MSRB3: variants seen among roughly 807,000 people sequenced by gnomAD.
The protein encoded by MSRB3 is methionine sulfoxide reductase B3.
In MSRB3, 13 loss-of-function variants were observed where a neutral mutation model predicts 21.0. That is an observed-to-expected ratio of 0.62 (90% CI 0.40 to 0.98). The LOEUF (loss-of-function observed/expected upper bound fraction) is 0.98. Ranked by LOEUF, MSRB3 falls within the 50% of genes least tolerant of loss-of-function variation. The pLI is 0.00. For synonymous variants in MSRB3, 87 were observed against 88.6 expected, an observed-to-expected ratio of 0.98 and a Z score of 0.10; for missense variants, 199 against 230.3, an observed-to-expected ratio of 0.86 and a Z score of 0.88.
chr12:65,391,450 C>T (rs192473542), intron 5 of MSRB3, among the ~76,000 whole-genome samples: 3 of 152,232 alleles, frequency 2.0e-5, no homozygotes, highest in Admixed American at 2.0e-4. Flanking sequence ...CAGAGATATC[C>T]AGGATATGTG....
chr12:65,425,253 G>A (rs994166735), intron 5 of MSRB3, among the ~76,000 whole-genome samples: 4 of 150,492 alleles, frequency 2.7e-5, no homozygotes, highest in Admixed American at 2.7e-4. Flanking sequence ...GTCCTTATAG[G>A]TGAAGTAAGT....
intron 5 of MSRB3, among the ~76,000 whole-genome samples, chr12:65,383,660 A>ATT (rs59427831): frequency 2.2e-5 from 3 of 137,880 alleles, no homozygotes; most frequent in African/African-American, 8.0e-5. Flanking sequence ...TGTTAGTAGA[A>ATT]TTTTTTTTTT....
intron 5 of MSRB3, among the ~76,000 whole-genome samples, chr12:65,439,074 A>G (rs1348999258): frequency 6.6e-6 from 1 of 151,878 alleles, no homozygotes; most frequent in Non-Finnish European, 1.5e-5. Flanking sequence ...AACAAAGTAT[A>G]AAGAAAGCTT....
At chr12:65,338,957 G>A (rs1051546252) in intron 4 of MSRB3, among the ~76,000 whole-genome samples, 1 of 152,066 alleles carries the variant, frequency 6.6e-6, no homozygotes, top group Non-Finnish European at 1.5e-5. Context: ...TGCACCAGTA[G>A]TCCCAGTTAC....
At chr12:65,398,238 C>G (rs1879923144) in intron 5 of MSRB3, among the ~76,000 whole-genome samples, 1 of 152,130 alleles carries the variant, frequency 6.6e-6, no homozygotes, top group Non-Finnish European at 1.5e-5. Context: ...AGTGTAAAAG[C>G]ATTCCTATTT....
At chr12:65,427,828 C>A (rs1479532423) in intron 5 of MSRB3, among the ~76,000 whole-genome samples, 1 of 152,342 alleles carries the variant, frequency 6.6e-6, no homozygotes, top group East Asian at 1.9e-4. Context: ...GGTGGCTGAG[C>A]TGGTGCCTGG....
intron 4 of MSRB3, among the ~76,000 whole-genome samples, chr12:65,350,947 C>G (rs1333837860): frequency 1.3e-5 from 2 of 148,392 alleles, no homozygotes; most frequent in African/African-American, 5.1e-5. Flanking sequence ...GAACTCAGCT[C>G]TGCACCAAGC....
At chr12:65,444,007 T>A (rs978718977) in intron 5 of MSRB3, among the ~76,000 whole-genome samples, 8 of 152,224 alleles carry the variant, frequency 5.3e-5, no homozygotes, top group African/African-American at 1.7e-4. Context: ...ATTTTCTTTA[T>A]AATTCATTTA....
intron 6 of MSRB3, among the ~76,000 whole-genome samples, chr12:65,462,776 C>T (rs1357375515): frequency 6.6e-6 from 1 of 152,162 alleles, no homozygotes; most frequent in Non-Finnish European, 1.5e-5. Context: ...TGAAACCCAC[C>T]CATCCAAAGC....
At chr12:65,449,968 C>A (rs1256751584) in intron 5 of MSRB3, among the ~76,000 whole-genome samples, 2 of 152,082 alleles carry the variant, frequency 1.3e-5, no homozygotes, top group Non-Finnish European at 2.9e-5. Flanking sequence ...ACTTATGAGG[C>A]AGTTGGCATG....
intron 5 of MSRB3, among the ~76,000 whole-genome samples, chr12:65,435,190 A>T (rs1334309952): frequency 1.3e-5 from 2 of 151,912 alleles, no homozygotes; most frequent in Non-Finnish European, 2.9e-5. Flanking sequence ...TTTGAAGCCC[A>T]TTTCTTTTGT....
chr12:65,405,707 A>G (rs548588645), intron 5 of MSRB3, among the ~76,000 whole-genome samples: 43 of 152,104 alleles, frequency 2.8e-4, no homozygotes, highest in Non-Finnish European at 6.0e-4. Context: ...CCAACAGTGT[A>G]CCGTGTTCCC....
chr12:65,388,156 A>G (rs999319254), intron 5 of MSRB3, among the ~76,000 whole-genome samples: 34 of 152,368 alleles, frequency 2.2e-4, no homozygotes, highest in African/African-American at 8.2e-4. Context: ...AAATGTTTTA[A>G]GACTGACAAT....
chr12:65,378,292 A>G (rs1878745755), intron 5 of MSRB3, among the ~76,000 whole-genome samples: 1 of 152,224 alleles, frequency 6.6e-6, no homozygotes, highest in South Asian at 2.1e-4. Context: ...ACTATGTTCT[A>G]TATAGTCATC....
rs1477476788 is a variant in MSRB3, at chr12:65,453,766, A to G, written c.331A>G (p.Ile111Val). The G allele has an allele frequency of 6.2e-7, 1 of 1,614,112 alleles. No individual in the cohort carries two copies. The change falls in exon 6 of 7, where the codon ATC becomes GTC. Residue 111 changes from isoleucine (I) to valine (V), a missense_variant. Coordinates refer to ENST00000308259, the MANE Select transcript of MSRB3 (RefSeq NM_001031679.3). ...CCACGATGTGATCAATTCTGAGGCA[A>G]TCACATTCACAGATGACTTTTCCTA... Reference protein sequence around the residue: ...SFHDVINSEAITFTDDFSYGM... With the variant: ...SFHDVINSEAVTFTDDFSYGM...
At chr12:65,387,116 A>G (rs751543735) in intron 5 of MSRB3, among the ~76,000 whole-genome samples, 10 of 152,134 alleles carry the variant, frequency 6.6e-5, no homozygotes, top group Admixed American at 2.0e-4. Flanking sequence ...TCAGGGAGTA[A>G]GTTTGACACA....
intron 5 of MSRB3, among the ~76,000 whole-genome samples, chr12:65,415,344 TAG>T (rs1185159932): frequency 6.6e-6 from 1 of 152,210 alleles, no homozygotes; most frequent in African/African-American, 2.4e-5. Flanking sequence ...AAAGCTGATT[TAG>T]AGTCTCTCCA....
intron 1 of MSRB3, among the ~76,000 whole-genome samples, chr12:65,280,773 T>C (rs984573658): frequency 6.6e-6 from 1 of 152,226 alleles, no homozygotes; most frequent in Non-Finnish European, 1.5e-5. Flanking sequence ...AACACACTGC[T>C]TTTTGTTTTT....
intron 5 of MSRB3, among the ~76,000 whole-genome samples, chr12:65,435,684 G>A (rs1201541846): frequency 6.6e-6 from 1 of 151,804 alleles, no homozygotes; most frequent in Non-Finnish European, 1.5e-5. Context: ...ATTTTGTGGA[G>A]ATTTCTAGGA....
Sources: allele counts gnomAD v4.1 joint callset (sites outside exome capture counted in the v4.1 genomes callset), GRCh38; gene constraint gnomAD v4.1.1; transcripts MANE v1.5; gene names NCBI Gene and HGNC (gene_info 2026-07-23, HGNC 2026-07-21).